The following PLEKHA7 variants were observed in gnomAD, a reference collection of about 807,000 sequenced individuals.
PLEKHA7 encodes the protein pleckstrin homology domain-containing family A member 7.
PLEKHA7 carries 104 observed loss-of-function variants against 170.0 expected under a neutral mutation model. The ratio of observed to expected loss-of-function variants is 0.61; its 90% CI spans 0.52 to 0.72. The LOEUF (loss-of-function observed/expected upper bound fraction) is 0.72. Among genes scored for constraint, PLEKHA7 ranks in the 30% least tolerant of loss-of-function variants. The pLI, the probability that PLEKHA7 is intolerant of heterozygous loss-of-function variation, is 0.00. For synonymous variants in PLEKHA7, 648 were observed against 660.8 expected (o/e 0.98, Z 0.30); for missense variants, 1,615 against 1,671.7 (o/e 0.97, Z 0.59).
intron 3 of PLEKHA7, among the ~76,000 whole-genome samples, chr11:16,946,815 T>C (rs1296613558): frequency 1.3e-5 from 2 of 151,900 alleles, no homozygotes; most frequent in Admixed American, 1.3e-4. Flanking sequence ...AGAGACAACC[T>C]AGGGGAAACA....
At chr11:16,828,419 T>C (rs1052347017) in intron 9 of PLEKHA7, among the ~76,000 whole-genome samples, 11 of 152,316 alleles carry the variant, frequency 7.2e-5, no homozygotes, top group Admixed American at 2.0e-4. Flanking sequence ...TCCCCAGCCA[T>C]GTGGAACTGT....
rs548738503 is a variant in PLEKHA7, at chr11:16,913,732, G to A, written c.222-42550C>T. Among the ~76,000 whole-genome samples, 85 of 152,298 alleles carry A rather than the reference G, an allele frequency of 5.6e-4. 1 individual carries two copies. In the South Asian group the frequency reaches 7.3e-3, roughly 13 times the overall value. On this transcript the variant is annotated intron_variant, in intron 3 of 26. Transcript: ENST00000531066. The stretch of plus-strand genomic sequence containing the variant: ...CCACAAGAGGCTGATTGTACTGTCC[G>A]CCAGGAAGCAAGTGAGCAGCAAGGA...
chr11:16,904,873 G>T (rs1453968409), intron 3 of PLEKHA7, among the ~76,000 whole-genome samples: 1 of 152,104 alleles, frequency 6.6e-6, no homozygotes, highest in Admixed American at 6.5e-5. Flanking sequence ...TCATATATAT[G>T]ACTAAAAGCA....
chr11:16,891,477 A>G (rs1020243906), intron 3 of PLEKHA7, among the ~76,000 whole-genome samples: 2 of 152,220 alleles, frequency 1.3e-5, no homozygotes, highest in Non-Finnish European at 2.9e-5. Flanking sequence ...CTGGAAATGT[A>G]AGAGAATACA....
At chr11:16,800,206 A>G (rs980456796) in intron 17 of PLEKHA7, among the ~76,000 whole-genome samples, 20 of 152,026 alleles carry the variant, frequency 1.3e-4, no homozygotes, top group African/African-American at 4.3e-4. Context: ...AAGTCAGGGG[A>G]GAAAAAAACA....
At chr11:16,995,599 G>C (rs11529141) in intron 3 of PLEKHA7, among the ~76,000 whole-genome samples, 52,738 of 151,966 alleles carry the variant, frequency 0.35, 9,414 homozygotes, top group East Asian at 0.43. Context: ...CCTGAAGCAT[G>C]TGGACATTTG....
At chr11:16,804,894 G>C (rs947796863) in intron 13 of PLEKHA7, among the ~76,000 whole-genome samples, 1 of 152,170 alleles carries the variant, frequency 6.6e-6, no homozygotes, top group African/African-American at 2.4e-5. Flanking sequence ...CAATGCGGGG[G>C]GGGCGGTGCA....
chr11:16,889,006 T>A (rs905207500), intron 3 of PLEKHA7, among the ~76,000 whole-genome samples: 1 of 136,118 alleles, frequency 7.3e-6, no homozygotes, highest in African/African-American at 2.8e-5. Context: ...GCTCAGCTAT[T>A]GTAACCCCTG....
chr11:16,796,438 A>T (rs1848234555), intron 17 of PLEKHA7, among the ~76,000 whole-genome samples: 1 of 152,204 alleles, frequency 6.6e-6, no homozygotes, highest in African/African-American at 2.4e-5. Context: ...AATTCCATTT[A>T]TAAGAAATGT....
At chr11:16,918,697 C>G (rs1858867057) in intron 3 of PLEKHA7, among the ~76,000 whole-genome samples, 1 of 152,146 alleles carries the variant, frequency 6.6e-6, no homozygotes, top group Non-Finnish European at 1.5e-5. Flanking sequence ...CACTGTTTCC[C>G]TAACATTAAC....
Position 16,791,204 on chromosome 11 carries a change from TGAGA to T in PLEKHA7, c.2746-9_2746-6del. 6.3e-7 allele frequency: 1 copy of T among 1,583,074 alleles called. No homozygotes were observed. The highest frequency in any genetic ancestry group is 8.6e-7 in the Non-Finnish European group (1 of 1,163,830). ...CCTGGGAGGTGCTTCATCTTCCTGC[TGAGA>T]AAGAGAACCAGACCAGTGGTCAGCG... On this transcript the variant is annotated splice_region_variant and splice_polypyrimidine_tract_variant and intron_variant, in intron 19 of 26. Coordinates refer to ENST00000531066, the MANE Select transcript of PLEKHA7 (RefSeq NM_001329630.2). This position sits in a 1 kb window ranked among gnomAD's most constrained non-coding sequence, Gnocchi z 4.5.
chr11:16,843,617 A>G (rs1459121005), intron 8 of PLEKHA7, among the ~76,000 whole-genome samples: 1 of 152,198 alleles, frequency 6.6e-6, no homozygotes, highest in Non-Finnish European at 1.5e-5. Context: ...GATTCCTTCT[A>G]TTTTAAGCAA....
At chr11:16,822,567 A>G (rs1399721456) in intron 10 of PLEKHA7, among the ~76,000 whole-genome samples, 2 of 150,834 alleles carry the variant, frequency 1.3e-5, no homozygotes, top group Non-Finnish European at 2.9e-5. Context: ...CCTTACCTGC[A>G]GCACCGTGCA....
Position 16,791,273 on chromosome 11 carries a change from T to C in PLEKHA7, c.2746-74A>G. On this transcript the variant is annotated intron_variant, in intron 19 of 26. Coordinates refer to ENST00000531066, the MANE Select transcript of PLEKHA7 (RefSeq NM_001329630.2). The surrounding 1 kb of genome is among the most constrained non-coding windows in gnomAD (Gnocchi z 4.5). ...GGAGGACTGCTAGGTACTGCCACAG[T>C]GGAGGTTTAAAGGGTAGGAACAGGC... is the stretch of plus-strand genomic sequence containing the variant. The C allele has an allele frequency of 1.4e-6, 2 of 1,408,756 alleles. No individual in the cohort carries two copies. The highest frequency in any genetic ancestry group is 2.4e-5 in the East Asian group (1 of 41,772). The allele number at this position is 1,408,756 out of a possible 1,614,324, so 87.3% of individuals were successfully genotyped here.
intron 3 of PLEKHA7, among the ~76,000 whole-genome samples, chr11:17,008,037 G>A (rs1014558276): frequency 2.0e-5 from 3 of 152,168 alleles, no homozygotes; most frequent in Non-Finnish European, 2.9e-5. Context: ...TATGTAGCCA[G>A]TCCTGCCCCT....
intron 12 of PLEKHA7, chr11:16,813,441 C>A (rs1849522702): frequency 8.0e-6 from 3 of 373,598 alleles, no homozygotes; most frequent in Non-Finnish European, 1.0e-5. Flanking sequence ...TACCCCAGGG[C>A]TAGGGTAGCT....
chr11:16,803,620 G>C, intron 13 of PLEKHA7: 1 of 312,536 alleles, frequency 3.2e-6, no homozygotes, highest in Non-Finnish European at 6.2e-6. Flanking sequence ...CATGAATCTT[G>C]GAAGATTTGC....
intron 3 of PLEKHA7, among the ~76,000 whole-genome samples, chr11:16,917,291 C>T (rs1858758601): frequency 6.6e-6 from 1 of 152,210 alleles, no homozygotes; most frequent in Admixed American, 6.5e-5. Flanking sequence ...TGCTTGAAGG[C>T]AGAGATATGC....
At chr11:16,906,220 G>GAGGT (rs1857652611) in intron 3 of PLEKHA7, among the ~76,000 whole-genome samples, 3 of 110,758 alleles carry the variant, frequency 2.7e-5, no homozygotes, top group Non-Finnish European at 5.4e-5. Context: ...AAGTTAAAAT[G>GAGGT]AGGTAGGAAG....
Sources: gnomAD v4.1 joint callset for allele counts (sites outside exome capture counted in the v4.1 genomes callset) on GRCh38, gnomAD v4.1.1 for gene constraint, Gnocchi (gnomAD v3.1) non-coding constraint, MANE v1.5 for transcripts, NCBI Gene and HGNC (gene_info 2026-07-23, HGNC 2026-07-21) for gene names.